The following PAPPA variants were observed in gnomAD, a reference collection of about 807,000 sequenced individuals.
PAPPA encodes the protein pappalysin 1.
Under a neutral mutation model 164.0 loss-of-function variants are expected in PAPPA, and 60 were observed. That is an observed-to-expected ratio of 0.37 (90% confidence interval 0.30 to 0.45). The LOEUF is 0.45. PAPPA is among the 20% of genes least tolerant of loss of function. The probability of loss-of-function intolerance (pLI) is 1.00; values close to 1 mark genes in which losing one functional copy is unlikely to be tolerated. For missense variants in PAPPA, 1,782 were observed against 2,087.3 expected, an observed-to-expected ratio of 0.85 and a Z score of 2.85; for synonymous variants, 875 against 814.1, an observed-to-expected ratio of 1.07 and a Z score of -1.27.
At chr9:116,360,111 C>G (rs1265152630) in intron 17 of PAPPA, among the ~76,000 whole-genome samples, 1 of 152,210 alleles carries the variant, frequency 6.6e-6, no homozygotes. Context: ...CTCCAGCCAG[C>G]CCTGGCCCAA....
At chr9:116,289,277 T>A (rs868853841) in intron 9 of PAPPA, among the ~76,000 whole-genome samples, 2 of 136,944 alleles carry the variant, frequency 1.5e-5, no homozygotes, top group African/African-American at 2.7e-5. Context: ...ATAGCATATA[T>A]ATAGCATATA....
rs1357071546 is a variant in PAPPA at position 116,211,631 on chromosome 9, C to T, written c.1625-8C>T. 1 of 1,611,552 alleles carries T rather than the reference C, an allele frequency of 6.2e-7. No individual in the cohort carries two copies. Among genetic ancestry groups the T allele is most frequent in the Non-Finnish European group, 8.5e-7 (1 of 1,177,902 alleles). ...AGTTTGCCTGATTCTCTGGATTTCC[C>T]CTTACAGGTGGCATTGTCTTGAACC... On this transcript the variant is annotated splice_region_variant and splice_polypyrimidine_tract_variant and intron_variant, in intron 3 of 21. Transcript: ENST00000328252.
intron 1 of PAPPA, among the ~76,000 whole-genome samples, chr9:116,178,953 T>G (rs1156306623): frequency 6.6e-6 from 1 of 152,228 alleles, no homozygotes; most frequent in Non-Finnish European, 1.5e-5. Context: ...AATTACAGTT[T>G]GCCATCCCAA....
At chr9:116,309,719 G>A (rs1845692296) in intron 10 of PAPPA, among the ~76,000 whole-genome samples, 1 of 151,436 alleles carries the variant, frequency 6.6e-6, no homozygotes, top group African/African-American at 2.4e-5. Context: ...TGAAGGGGAA[G>A]TCAAGAGAGA....
chr9:116,243,632 C>A (rs1844762036), intron 7 of PAPPA, among the ~76,000 whole-genome samples: 1 of 152,160 alleles, frequency 6.6e-6, no homozygotes, highest in Admixed American at 6.5e-5. Flanking sequence ...AAGATGGTAT[C>A]TTGATCGATG....
intron 9 of PAPPA, among the ~76,000 whole-genome samples, chr9:116,281,671 GT>G (rs1845269146): frequency 6.6e-6 from 1 of 152,144 alleles, no homozygotes. Flanking sequence ...TGGCTACCAG[GT>G]ATTGTTAACA....
At chr9:116,381,423 G>C (rs931449782) in intron 20 of PAPPA, among the ~76,000 whole-genome samples, 8 of 152,224 alleles carry the variant, frequency 5.3e-5, no homozygotes, top group African/African-American at 1.9e-4. Context: ...TCTTGCACCA[G>C]CTACAGAAAC....
intron 10 of PAPPA, among the ~76,000 whole-genome samples, chr9:116,308,164 C>T (rs529187768): frequency 1.3e-5 from 2 of 152,334 alleles, no homozygotes; most frequent in Non-Finnish European, 2.9e-5. Flanking sequence ...CAGAGAAGTA[C>T]TGGTTCTTTT....
At chr9:116,206,767 C>T (rs1266974255) in intron 2 of PAPPA, among the ~76,000 whole-genome samples, 1 of 152,118 alleles carries the variant, frequency 6.6e-6, no homozygotes, top group African/African-American at 2.4e-5. Context: ...AGGAGAGCAT[C>T]AGGGAAGTCT....
At position 116,188,087 on chromosome 9, in the gene PAPPA, A is replaced by C. The variant is rs781023312; in HGVS notation, c.1349A>C (p.Lys450Thr). The C allele has an allele frequency of 5.6e-6, 9 of 1,614,126 alleles. No homozygotes were observed. The Admixed American group carries it at 1.5e-4, about 27-fold the overall frequency. ...CACCTGCGCCACCCTGCCTTCGTGA[A>C]GAAGCAGCACAACGGGGTGTGTGAC... The part of the protein sequence containing the change: ...CRHLRHPAFV[K>T]KQHNGVCDMD... Residue 450 changes from lysine (K) to threonine (T), a missense_variant, in exon 2 of 22, where the codon AAG becomes ACG. Physicochemically the swap from Lys to Thr is moderately conservative, Grantham distance 78. Transcript: ENST00000328252.
chr9:116,155,482 C>A (rs1296468717), intron 1 of PAPPA, among the ~76,000 whole-genome samples: 1 of 152,152 alleles, frequency 6.6e-6, no homozygotes, highest in Non-Finnish European at 1.5e-5. Flanking sequence ...GAGGTGGGGG[C>A]GGCGCTGGAA....
At chr9:116,316,157 G>T (rs1291757832) in intron 10 of PAPPA, among the ~76,000 whole-genome samples, 1 of 152,320 alleles carries the variant, frequency 6.6e-6, no homozygotes, top group South Asian at 2.1e-4. Flanking sequence ...AGTGAGTAGG[G>T]TGTATCTAAA....
chr9:116,307,110 G>C (rs1845656376), intron 10 of PAPPA, among the ~76,000 whole-genome samples: 1 of 152,206 alleles, frequency 6.6e-6, no homozygotes, highest in Non-Finnish European at 1.5e-5. Flanking sequence ...AAGGCATTCA[G>C]GCTGGACAGC....
chr9:116,255,491 C>A (rs205312), intron 7 of PAPPA, among the ~76,000 whole-genome samples: 151,070 of 152,122 alleles, frequency 0.99, 75,019 homozygotes, highest in Middle Eastern at 1. Context: ...TTTAAAATGC[C>A]TGATTGAGAT....
chr9:116,210,316 A>G (rs908051997), intron 3 of PAPPA, among the ~76,000 whole-genome samples: 9 of 152,190 alleles, frequency 5.9e-5, no homozygotes, highest in Admixed American at 4.6e-4. Flanking sequence ...ACGGAGACAG[A>G]GTCCTTCTTC....
At chr9:116,181,236 G>A (rs1209088338) in intron 1 of PAPPA, among the ~76,000 whole-genome samples, 1 of 152,174 alleles carries the variant, frequency 6.6e-6, no homozygotes, top group Non-Finnish European at 1.5e-5. Context: ...AGCCTGGCTG[G>A]CTTAAATGAC....
At chr9:116,376,884 G>C (rs548285786) in intron 19 of PAPPA, among the ~76,000 whole-genome samples, 1 of 152,076 alleles carries the variant, frequency 6.6e-6, no homozygotes, top group Non-Finnish European at 1.5e-5. Flanking sequence ...CAGCAGAGGG[G>C]TTCTCTGCCT....
rs1189547413 is a variant in PAPPA at position 116,154,287 on chromosome 9, C to A, written c.115C>A (p.Arg39Ser). ...AGACCCGCGGGCCGGCCGACCCCCG[C>A]GCCCCGCCGCCGGCCCGGCCACCTG... ...RRDPRAGRPP[R>S]PAAGPATCAT... The change falls in exon 1 of 22, where the codon CGC (arginine) becomes AGC (serine). Residue 39 changes from arginine (R) to serine (S), a missense_variant. Coordinates refer to ENST00000328252, the MANE Select transcript of PAPPA (RefSeq NM_002581.5). The surrounding 1 kb of genome is among the most constrained non-coding windows in gnomAD (Gnocchi z 5.2). The A allele has an allele frequency of 1.2e-5, 12 of 976,594 alleles. No homozygotes were observed. Among genetic ancestry groups the A allele is most frequent in the African/African-American group, 1.8e-5 (1 of 56,516 alleles). The allele number at this position is 976,594 out of a possible 1,614,324, so 60.5% of individuals were successfully genotyped here. A position where few individuals can be genotyped will look rare whatever the true frequency, so the allele number is the denominator to read the frequency against.
intron 5 of PAPPA, among the ~76,000 whole-genome samples, chr9:116,225,961 T>G (rs1183108708): frequency 6.6e-6 from 1 of 152,182 alleles, no homozygotes; most frequent in Non-Finnish European, 1.5e-5. Context: ...GATATTGACT[T>G]TGTCCTCAAG....
Sources: allele counts gnomAD v4.1 joint callset (sites outside exome capture counted in the v4.1 genomes callset), GRCh38; gene constraint gnomAD v4.1.1; non-coding constraint Gnocchi (gnomAD v3.1); transcripts MANE v1.5; gene names NCBI Gene and HGNC (gene_info 2026-07-23, HGNC 2026-07-21).